ARHGEF26: variants seen among roughly 807,000 people sequenced by gnomAD.
ARHGEF26 encodes Rho guanine nucleotide exchange factor (GEF) 26.
ARHGEF26 carries 59 observed loss-of-function variants against 89.4 expected under a neutral mutation model. That is an observed-to-expected ratio of 0.66 (90% confidence interval 0.54 to 0.82). The LOEUF is 0.82. Among genes scored for constraint, ARHGEF26 ranks in the 40% least tolerant of loss-of-function variants. The pLI, the probability that ARHGEF26 is intolerant of heterozygous loss-of-function variation, is 0.00. For synonymous variants in ARHGEF26, 500 were observed against 428.4 expected (o/e 1.17, Z -2.06); for missense variants, 1,234 against 1,085.6 (o/e 1.14, Z -1.92).
intron 6 of ARHGEF26, among the ~76,000 whole-genome samples, chr3:154,186,166 C>CACACACACA (rs397991429): frequency 1.3e-4 from 19 of 144,696 alleles, no homozygotes; most frequent in Non-Finnish European, 1.8e-4. Context: ...CACACACACA[C>CACACACACA]CCCTATACAC....
chr3:154,190,289 A>G (rs1439658490), intron 7 of ARHGEF26, among the ~76,000 whole-genome samples: 2 of 152,194 alleles, frequency 1.3e-5, no homozygotes, highest in African/African-American at 2.4e-5. Flanking sequence ...AGGCAGGTGG[A>G]TTACTTGAGG....
At chr3:154,121,152 C>A (rs1380559157), upstream of ARHGEF26, 1 of 151,060 alleles carries the variant, frequency 6.6e-6, no homozygotes, top group African/African-American at 2.4e-5. Context: ...GGCAACGACC[C>A]CGCGCGCCTA....
At chr3:154,211,660 T>C (rs1396903471) in intron 9 of ARHGEF26, among the ~76,000 whole-genome samples, 2 of 151,986 alleles carry the variant, frequency 1.3e-5, no homozygotes. Flanking sequence ...GTGTAGATAG[T>C]TGTTAAATTG....
intron 4 of ARHGEF26, among the ~76,000 whole-genome samples, chr3:154,142,749 T>C (rs1260501474): frequency 6.6e-6 from 1 of 152,210 alleles, no homozygotes; most frequent in Non-Finnish European, 1.5e-5. Context: ...CTGTTGTACC[T>C]TCCTTAACCC....
intron 9 of ARHGEF26, among the ~76,000 whole-genome samples, chr3:154,201,630 A>G (rs1355104868): frequency 2.0e-5 from 3 of 150,840 alleles, no homozygotes; most frequent in Non-Finnish European, 4.5e-5. Context: ...ACAGTGTAAA[A>G]GTGTTCCTAT....
intron 4 of ARHGEF26, among the ~76,000 whole-genome samples, chr3:154,130,358 C>T (rs931123657): frequency 6.6e-6 from 1 of 151,988 alleles, no homozygotes; most frequent in African/African-American, 2.4e-5. Context: ...CCAGGCTGGT[C>T]TTGAATTCCT....
chr3:154,189,628 C>T (rs1415768343), intron 7 of ARHGEF26, among the ~76,000 whole-genome samples: 4 of 152,040 alleles, frequency 2.6e-5, no homozygotes, highest in Admixed American at 1.3e-4. Flanking sequence ...TAAGCCACTG[C>T]GCCCAGCCCG....
chr3:154,135,879 GATCATGTA>G (rs1718971685), intron 4 of ARHGEF26, among the ~76,000 whole-genome samples: 3 of 152,106 alleles, frequency 2.0e-5, no homozygotes, highest in Non-Finnish European at 4.4e-5. Context: ...ACCTCTCCAA[GATCATGTA>G]CTATGCATGT....
At chr3:154,230,739 T>C (rs1177230425) in intron 11 of ARHGEF26, among the ~76,000 whole-genome samples, 4 of 152,328 alleles carry the variant, frequency 2.6e-5, no homozygotes, top group African/African-American at 7.2e-5. Flanking sequence ...ATACTGTGTA[T>C]AGCTTGAGCC....
intron 6 of ARHGEF26, among the ~76,000 whole-genome samples, chr3:154,158,528 G>T (rs991653134): frequency 3.3e-5 from 5 of 152,050 alleles, no homozygotes; most frequent in African/African-American, 9.7e-5. Flanking sequence ...ATGACTTTGG[G>T]TCAGTGTCAG....
Position 154,255,439 on chromosome 3 carries a change from T to G in ARHGEF26, c.2582T>G (p.Met861Arg). Reference protein sequence around the residue: ...QATIDKNVERMGRLLGLETNV With the variant: ...QATIDKNVERRGRLLGLETNV ...ACAATTGATAAGAATGTGGAGAGAA[T>G]GGGACGCTTGCTAGGACTGGAGACC... Residue 861 changes from methionine (M) to arginine (R), a missense_variant, in exon 15 of 15, where the codon ATG becomes AGG. By Grantham distance (91) the Met-to-Arg change is moderately conservative. Transcript: ENST00000465093. 6.2e-7 allele frequency: 1 copy of G among 1,613,768 alleles called. No individual in the cohort carries two copies. Among genetic ancestry groups the G allele is most frequent in the Non-Finnish European group, 8.5e-7 (1 of 1,179,808 alleles).
At chr3:154,225,817 C>A in intron 10 of ARHGEF26, 39 bp from the exon 11 acceptor site, 2 of 1,553,580 alleles carry the variant, frequency 1.3e-6, no homozygotes, top group Non-Finnish European at 8.7e-7. Context: ...AAAAGGATTT[C>A]AATTTAGCTT....
At position 154,175,528 on chromosome 3, in the gene ARHGEF26, T is replaced by C. The variant is rs1268422224; in HGVS notation, c.1488-12157T>C. 5.3e-5 allele frequency among the ~76,000 whole-genome samples: 8 copies of C among 152,358 alleles called. No homozygotes were observed. In the East Asian group the frequency reaches 1.5e-3, roughly 29 times the overall value. ...TATTTTCAAAAATCTTGAGTCCTTTTAACATTCCTATAGATAATTTAGTAA... is the reference window on the plus strand; with the variant it reads ...TATTTTCAAAAATCTTGAGTCCTTTCAACATTCCTATAGATAATTTAGTAA... On this transcript the variant is annotated intron_variant, in intron 6 of 14. Transcript: ENST00000465093.
At chr3:154,137,263 A>G (rs1719064321) in intron 4 of ARHGEF26, among the ~76,000 whole-genome samples, 1 of 152,054 alleles carries the variant, frequency 6.6e-6, no homozygotes, top group Non-Finnish European at 1.5e-5. Context: ...CTTTATAGGA[A>G]GAGGAAGAGA....
At chr3:154,228,873 C>G (rs977682816) in intron 11 of ARHGEF26, among the ~76,000 whole-genome samples, 1 of 152,212 alleles carries the variant, frequency 6.6e-6, no homozygotes, top group South Asian at 2.1e-4. Context: ...GAGGACTGAT[C>G]TAGCCACCCA....
chr3:154,192,519 C>G (rs1273861320), intron 8 of ARHGEF26, among the ~76,000 whole-genome samples: 1 of 152,210 alleles, frequency 6.6e-6, no homozygotes, highest in African/African-American at 2.4e-5. Context: ...TTTACACCTT[C>G]TCCACCCATC....
chr3:154,186,934 C>T (rs1178729166), intron 6 of ARHGEF26, among the ~76,000 whole-genome samples: 3 of 120,448 alleles, frequency 2.5e-5, no homozygotes, highest in Admixed American at 2.0e-4. Flanking sequence ...TCTCTGTCGC[C>T]AGGCTGGAGT....
rs374418097 is a variant in ARHGEF26, at chr3:154,166,252, A to G, written c.1487+13320A>G. Among the ~76,000 whole-genome samples the G allele has an allele frequency of 4.6e-4, 70 of 152,112 alleles. 1 individual carries two copies. Among genetic ancestry groups the G allele is most frequent in the African/African-American group, 1.1e-3 (47 of 41,504 alleles). ...TTTTTAGTAGAGACGGGGTTTCACC[A>G]TGTTAGCCAGAATGGTCTCGATCTC... is the stretch of plus-strand genomic sequence containing the variant. On this transcript the variant is annotated intron_variant, in intron 6 of 14. Transcript: ENST00000465093.
chr3:154,205,209 ATAT>A (rs1386784202), intron 9 of ARHGEF26, among the ~76,000 whole-genome samples: 13 of 152,056 alleles, frequency 8.5e-5, no homozygotes, highest in East Asian at 1.9e-4. Context: ...TATATATTTA[ATAT>A]TATTATATCC....
Sources: gnomAD v4.1 joint callset for allele counts (sites outside exome capture counted in the v4.1 genomes callset) on GRCh38, gnomAD v4.1.1 for gene constraint, MANE v1.5 for transcripts, NCBI Gene and HGNC (gene_info 2026-07-23, HGNC 2026-07-21) for gene names.